IL1RAPL2: variants seen among roughly 807,000 people sequenced by gnomAD.
IL1RAPL2 encodes the protein X-linked interleukin-1 receptor accessory protein-like 2.
Under a neutral mutation model 44.1 loss-of-function variants are expected in IL1RAPL2, and 3 were observed. The observed-to-expected ratio is 0.07, with a 90% CI of 0.03 to 0.18. IL1RAPL2 has a LOEUF of 0.18. IL1RAPL2 is among the 10% of genes least tolerant of loss of function. IL1RAPL2 has a pLI of 1.00. For missense variants in IL1RAPL2, 391 were observed against 496.4 expected, an observed-to-expected ratio of 0.79 and a Z score of 2.02; for synonymous variants, 181 against 178.8, an observed-to-expected ratio of 1.01 and a Z score of -0.10.
chrX:105,061,454 CTAACATATGTTCT>C (rs1256290162), intron 2 of IL1RAPL2, among the ~76,000 whole-genome samples: 1 of 111,729 alleles, frequency 9.0e-6, no homozygotes, highest in African/African-American at 3.2e-5. Context: ...GTTTTGTGAT[CTAACATATGTTCT>C]ATCCTTGAGA....
intron 2 of IL1RAPL2, among the ~76,000 whole-genome samples, chrX:104,840,453 T>G (rs1178859048): frequency 9.0e-6 from 1 of 111,715 alleles, no homozygotes; most frequent in Non-Finnish European, 1.9e-5. Context: ...TTCAGTTCTT[T>G]TGCATTTGCT....
intron 2 of IL1RAPL2, among the ~76,000 whole-genome samples, chrX:104,776,026 G>A (rs772168462): frequency 1.2e-3 from 136 of 111,829 alleles, no homozygotes; most frequent in Non-Finnish European, 2.0e-3. Flanking sequence ...GTGGACTTGG[G>A]AGCAAGAGTC....
chrX:105,037,085 T>A (rs139860152), intron 2 of IL1RAPL2, among the ~76,000 whole-genome samples: 233 of 111,814 alleles, frequency 2.1e-3, no homozygotes, highest in African/African-American at 6.3e-3. Flanking sequence ...TTTGAGAATC[T>A]CTTAGAAAAC....
At chrX:105,760,680 T>C (rs2038679513) in intron 10 of IL1RAPL2, among the ~76,000 whole-genome samples, 1 of 112,004 alleles carries the variant, frequency 8.9e-6, no homozygotes, top group Non-Finnish European at 1.9e-5. Context: ...ATACACACAA[T>C]TCCCTGTAGT....
chrX:105,548,176 T>C (rs1449347083), intron 6 of IL1RAPL2, among the ~76,000 whole-genome samples: 6 of 111,628 alleles, frequency 5.4e-5, no homozygotes, highest in African/African-American at 2.0e-4. Flanking sequence ...ACAGATGTGA[T>C]CCTTGCTGTC....
chrX:104,830,195 C>T (rs145914158), intron 2 of IL1RAPL2, among the ~76,000 whole-genome samples: 1,417 of 111,294 alleles, frequency 0.013, 11 homozygotes, highest in Non-Finnish European at 0.021. Context: ...GGACACAGAA[C>T]GGGCAAAGAC....
At chrX:105,041,436 T>G (rs2031734634) in intron 2 of IL1RAPL2, among the ~76,000 whole-genome samples, 1 of 110,756 alleles carries the variant, frequency 9.0e-6, no homozygotes, top group Admixed American at 9.7e-5. Flanking sequence ...GGTATCCTTG[T>G]TGACTTTCTG....
At chrX:104,838,708 C>G (rs999600818) in intron 2 of IL1RAPL2, among the ~76,000 whole-genome samples, 1 of 110,434 alleles carries the variant, frequency 9.1e-6, no homozygotes, top group Admixed American at 9.8e-5. Flanking sequence ...ATTCGCATAC[C>G]CTTTATTTCT....
chrX:104,744,769 TTTA>T lies in IL1RAPL2; in HGVS notation c.82+85779_82+85781del, dbSNP rs750613503. On this transcript the variant is annotated intron_variant, in intron 2 of 10. Transcript: ENST00000372582. The stretch of plus-strand genomic sequence containing the variant: ...TTACTTTTGATTTCTTTATCTAGAT[TTTA>T]TTATAATTAATTTAAAAATCTCCTT... Among the ~76,000 whole-genome samples the T allele has an allele frequency of 6.3e-5, 7 of 111,449 alleles. No individual in the cohort carries two copies. In the Admixed American group the frequency reaches 6.7e-4, roughly 11 times the overall value.
intron 2 of IL1RAPL2, among the ~76,000 whole-genome samples, chrX:104,943,494 G>A (rs1344289689): frequency 9.0e-6 from 1 of 111,621 alleles, no homozygotes; most frequent in Non-Finnish European, 1.9e-5. Flanking sequence ...TGTTTCTCCA[G>A]TTGAAATCTT....
intron 1 of IL1RAPL2, among the ~76,000 whole-genome samples, chrX:104,582,585 T>C (rs1356657486): frequency 3.2e-5 from 1 of 31,639 alleles, no homozygotes; most frequent in African/African-American, 1.2e-4. Context: ...TCTTTTTCTT[T>C]CTTTCTTTCT....
intron 2 of IL1RAPL2, among the ~76,000 whole-genome samples, chrX:104,691,822 A>T (rs1285409134): frequency 9.0e-6 from 1 of 111,599 alleles, no homozygotes; most frequent in Non-Finnish European, 1.9e-5. Flanking sequence ...TTGTTTTTTC[A>T]GTGGTAGTCT....
chrX:104,574,485 A>C (rs990319756), intron 1 of IL1RAPL2, among the ~76,000 whole-genome samples: 2 of 112,255 alleles, frequency 1.8e-5, no homozygotes, highest in African/African-American at 6.5e-5. Context: ...TCCATTTCCA[A>C]AGATTGCATT....
intron 2 of IL1RAPL2, among the ~76,000 whole-genome samples, chrX:104,921,399 A>G (rs1255761754): frequency 8.9e-6 from 1 of 111,951 alleles, no homozygotes; most frequent in Non-Finnish European, 1.9e-5. Flanking sequence ...GAAATCCCAC[A>G]TCTGCTAAAC....
rs967133032 is a variant in IL1RAPL2, at chrX:105,672,937, C to G, written c.773-44430C>G. ...GCCATTTCTGGGTTTCTGGCTTGTTCAGTAACAAGTCTGGTGTATATGAGA... is the reference window on the plus strand; with the variant it reads ...GCCATTTCTGGGTTTCTGGCTTGTTGAGTAACAAGTCTGGTGTATATGAGA... On this transcript the variant is annotated intron_variant, in intron 6 of 10. Coordinates refer to ENST00000372582, the MANE Select transcript of IL1RAPL2 (RefSeq NM_017416.2). Among the ~76,000 whole-genome samples, 3 of 111,050 alleles carry G rather than the reference C, an allele frequency of 2.7e-5. No homozygotes were observed. In the Admixed American group the frequency reaches 2.9e-4, roughly 11 times the overall value.
At chrX:105,643,926 C>T (rs775292497) in intron 6 of IL1RAPL2, among the ~76,000 whole-genome samples, 2 of 111,663 alleles carry the variant, frequency 1.8e-5, no homozygotes, top group East Asian at 5.7e-4. Context: ...GAGTCTCACT[C>T]TGTCCCTCAG....
chrX:105,236,887 G>A (rs2034124521), intron 4 of IL1RAPL2, among the ~76,000 whole-genome samples: 1 of 110,007 alleles, frequency 9.1e-6, no homozygotes, highest in South Asian at 4.0e-4. Context: ...GGGTACATGT[G>A]CACAATGTGC....
chrX:105,469,004 CTT>C (rs2036148947), intron 5 of IL1RAPL2, among the ~76,000 whole-genome samples: 1 of 111,651 alleles, frequency 9.0e-6, no homozygotes, highest in African/African-American at 3.3e-5. Context: ...AAAGCACAGT[CTT>C]AGAATTTTAT....
intron 2 of IL1RAPL2, among the ~76,000 whole-genome samples, chrX:105,106,970 T>C (rs1302064973): frequency 8.9e-6 from 1 of 112,047 alleles, no homozygotes; most frequent in African/African-American, 3.2e-5. Flanking sequence ...GTATCCAATC[T>C]AGGAGAACAC....
Sources: allele counts gnomAD v4.1 joint callset (sites outside exome capture counted in the v4.1 genomes callset), GRCh38; gene constraint gnomAD v4.1.1; transcripts MANE v1.5; gene names NCBI Gene and HGNC (gene_info 2026-07-23, HGNC 2026-07-21).